Variants in ANKRD6 observed in about 807,000 individuals in gnomAD.
ANKRD6 encodes ankyrin repeat domain-containing protein 6.
In ANKRD6, 56 loss-of-function variants were observed where a neutral mutation model predicts 82.3. The observed-to-expected ratio is 0.68, with a 90% confidence interval of 0.55 to 0.85. The LOEUF (loss-of-function observed/expected upper bound fraction) is 0.85, where lower values mean the gene tolerates loss of function less well. ANKRD6 is among the 40% of genes least tolerant of loss of function. ANKRD6 has a pLI of 0.00. For missense variants in ANKRD6, 852 were observed against 907.6 expected (o/e 0.94, Z 0.79); for synonymous variants, 347 against 352.1 (o/e 0.99, Z 0.16).
chr6:89,561,705 C>T (rs1195823459), intron 1 of ANKRD6, among the ~76,000 whole-genome samples: 1 of 152,200 alleles, frequency 6.6e-6, no homozygotes, highest in East Asian at 1.9e-4. Context: ...ACTTGTCCCC[C>T]AGTGGTGATC....
At chr6:89,606,278 T>C (rs566459214) in intron 5 of ANKRD6, among the ~76,000 whole-genome samples, 173 bp downstream of exon 5, 71 of 152,304 alleles carry the variant, frequency 4.7e-4, no homozygotes, top group Admixed American at 2.0e-3. Context: ...AGAAGCTGAT[T>C]GATATTCCAG....
chr6:89,538,593 T>G (rs1301177847), intron 1 of ANKRD6, among the ~76,000 whole-genome samples: 1 of 152,190 alleles, frequency 6.6e-6, no homozygotes, highest in Non-Finnish European at 1.5e-5. Context: ...GGCTTAGTAA[T>G]GCAGTGAAAT....
intron 8 of ANKRD6, among the ~76,000 whole-genome samples, 164 bp from the exon 9 acceptor site, chr6:89,617,790 T>A (rs1421601254): frequency 6.6e-6 from 1 of 152,234 alleles, no homozygotes; most frequent in Admixed American, 6.5e-5. Context: ...GGTCTGAGGC[T>A]GATGACCAGG....
At chr6:89,574,017 C>T (rs142632575) in intron 2 of ANKRD6, among the ~76,000 whole-genome samples, 2 of 152,286 alleles carry the variant, frequency 1.3e-5, no homozygotes, top group Non-Finnish European at 2.9e-5. Flanking sequence ...CAGAACTCCC[C>T]ACCACATCAT....
chr6:89,515,055 T>C (rs2127951925), intron 1 of ANKRD6, among the ~76,000 whole-genome samples: 1 of 152,342 alleles, frequency 6.6e-6, no homozygotes, highest in South Asian at 2.1e-4. Context: ...CTTATTGATT[T>C]TGAAGACATT....
At chr6:89,623,629 A>G (rs940397611) in intron 11 of ANKRD6, 85 bp downstream of exon 11, 2 of 1,501,770 alleles carry the variant, frequency 1.3e-6, no homozygotes, top group African/African-American at 2.8e-5. Context: ...CCCATCAGCT[A>G]AAAAGCCACT....
intron 2 of ANKRD6, among the ~76,000 whole-genome samples, chr6:89,580,435 T>A (rs191925495): frequency 6.6e-6 from 1 of 152,154 alleles, no homozygotes; most frequent in Non-Finnish European, 1.5e-5. Context: ...TTCCCCAGCA[T>A]GAGCACCTGA....
chr6:89,451,222 C>T (rs907515452), intron 1 of ANKRD6, among the ~76,000 whole-genome samples: 3 of 152,136 alleles, frequency 2.0e-5, no homozygotes, highest in Non-Finnish European at 4.4e-5. Context: ...AATGGGAGGA[C>T]TGCTTGAGCC....
At chr6:89,535,656 G>A (rs1235545091) in intron 1 of ANKRD6, among the ~76,000 whole-genome samples, 1 of 152,182 alleles carries the variant, frequency 6.6e-6, no homozygotes, top group Non-Finnish European at 1.5e-5. Context: ...CCTTATGCAG[G>A]ACAAACTTAA....
rs1170640881 is a variant in ANKRD6, at chr6:89,624,434, A to G, written c.1219-105A>G. The G allele has an allele frequency of 5.1e-6, 7 of 1,373,630 alleles. No homozygotes were observed. The East Asian group carries it at 1.3e-4, about 25-fold the overall frequency. 85.1% of individuals were successfully genotyped at this position (1,373,630 alleles called of 1,614,324 possible). A position where few individuals can be genotyped will look rare whatever the true frequency, so the allele number is the denominator to read the frequency against. On this transcript the variant is annotated intron_variant, in intron 12 of 15. Coordinates refer to ENST00000339746, the MANE Select transcript of ANKRD6 (RefSeq NM_001242809.2). ...TGACAAGGATGAGCCTATCTCTTCC[A>G]TCATCTCTATCCCCTGGTATACTGC...
chr6:89,629,438 T>C (rs1806826453), intron 15 of ANKRD6, 200 bp downstream of exon 15: 2 of 691,712 alleles, frequency 2.9e-6, no homozygotes, highest in Non-Finnish European at 2.5e-6. Flanking sequence ...CTCATTTATG[T>C]GCTCAAACTT....
At chr6:89,626,463 G>A (rs1805721422) in intron 13 of ANKRD6, among the ~76,000 whole-genome samples, 2 of 152,218 alleles carry the variant, frequency 1.3e-5, no homozygotes, top group Non-Finnish European at 2.9e-5. Context: ...CCACCTGGAG[G>A]AAGAGGTTAA....
intron 1 of ANKRD6, among the ~76,000 whole-genome samples, chr6:89,437,718 TAC>T (rs1485770825): frequency 2.0e-5 from 3 of 152,222 alleles, no homozygotes; most frequent in Non-Finnish European, 4.4e-5. Context: ...CTATAGAATT[TAC>T]ACAGTGTTAG....
In ANKRD6 at chr6:89,448,829, G is replaced by A. The variant is rs575749906; in HGVS notation, c.-144+15454G>A. 8.0e-4 allele frequency among the ~76,000 whole-genome samples: 121 copies of A among 152,084 alleles called. 2 individuals carry two copies. The highest frequency in any genetic ancestry group is 1.4e-3 in the Non-Finnish European group (98 of 67,994). ...GCGGATCACGAGGTCAGGAGATCGAGACCATCTTGGCTAACACGGTGAAAC... is the reference window on the plus strand; with the variant it reads ...GCGGATCACGAGGTCAGGAGATCGAAACCATCTTGGCTAACACGGTGAAAC... On this transcript the variant is annotated intron_variant, in intron 1 of 15. Coordinates refer to ENST00000339746, the MANE Select transcript of ANKRD6 (RefSeq NM_001242809.2).
intron 1 of ANKRD6, among the ~76,000 whole-genome samples, chr6:89,548,105 G>C (rs1268924082): frequency 6.6e-6 from 1 of 152,136 alleles, no homozygotes; most frequent in Non-Finnish European, 1.5e-5. Context: ...TGGTTTTCAT[G>C]TATATTCACA....
At chr6:89,549,771 CCTTATATG>C (rs1372334359) in intron 1 of ANKRD6, among the ~76,000 whole-genome samples, 2 of 152,056 alleles carry the variant, frequency 1.3e-5, no homozygotes, top group Non-Finnish European at 2.9e-5. Context: ...ACACCCAATG[CCTTATATG>C]CTTCAAACAG....
chr6:89,592,705 T>G (rs1393031360), intron 2 of ANKRD6, among the ~76,000 whole-genome samples: 2 of 152,188 alleles, frequency 1.3e-5, no homozygotes, highest in Non-Finnish European at 2.9e-5. Context: ...CTCATGGTTC[T>G]GGGAGCTGGG....
rs1379802005 is a variant in ANKRD6, at chr6:89,632,707, C to T, written c.*1703C>T. 6.6e-6 allele frequency: 1 copy of T among 152,138 alleles called. No individual in the cohort carries two copies. The highest frequency in any genetic ancestry group is 2.4e-5 in the African/African-American group (1 of 41,434). 9.4% of individuals were successfully genotyped at this position (152,138 alleles called of 1,614,324 possible). ...CTACTACGCAGGTAGACAGTCTTCC[C>T]CCAGAGACTCATTAGATTGCAATAT... On this transcript the variant is annotated 3_prime_UTR_variant, in exon 16 of 16. Transcript: ENST00000339746.
chr6:89,511,634 G>A (rs1474658269), intron 1 of ANKRD6, among the ~76,000 whole-genome samples: 1 of 152,224 alleles, frequency 6.6e-6, no homozygotes, highest in Non-Finnish European at 1.5e-5. Context: ...ATTTGTAAGA[G>A]TTACATAGAA....
Sources: gnomAD v4.1 joint callset for allele counts (sites outside exome capture counted in the v4.1 genomes callset) on GRCh38, gnomAD v4.1.1 for gene constraint, MANE v1.5 for transcripts, NCBI Gene and HGNC (gene_info 2026-07-23, HGNC 2026-07-21) for gene names.